AGPAT4: variants seen among roughly 807,000 people sequenced by gnomAD.
The protein encoded by AGPAT4 is 1-acyl-sn-glycerol-3-phosphate acyltransferase delta.
AGPAT4 carries 15 observed loss-of-function variants against 48.0 expected under a neutral mutation model. The observed-to-expected ratio is 0.31, with a 90% CI of 0.21 to 0.48. The LOEUF (loss-of-function observed/expected upper bound fraction) is 0.48. Among genes scored for constraint, AGPAT4 ranks in the 20% least tolerant of loss-of-function variants. AGPAT4 has a pLI of 0.99. For synonymous variants in AGPAT4, 178 were observed against 198.7 expected, an observed-to-expected ratio of 0.90 and a Z score of 0.88; for missense variants, 314 against 482.5, an observed-to-expected ratio of 0.65 and a Z score of 3.27.
At position 161,223,448 on chromosome 6, in the gene AGPAT4, C is replaced by T. The variant is rs1781883775; in HGVS notation, c.178+8588G>A. Among the ~76,000 whole-genome samples, 1 of 152,172 alleles carries T rather than the reference C, an allele frequency of 6.6e-6. No homozygotes were observed. The highest frequency in any genetic ancestry group is 1.5e-5 in the Non-Finnish European group (1 of 68,034). ...CTCAGCTCTCCTCCTCTCTGTTCGGCCTTAGGCAAGTCATCCAACCTCTCG... is the reference window on the plus strand; with the variant it reads ...CTCAGCTCTCCTCCTCTCTGTTCGGTCTTAGGCAAGTCATCCAACCTCTCG... On this transcript the variant is annotated intron_variant, in intron 2 of 8. Transcript: ENST00000320285. The surrounding 1 kb of genome is among the most constrained non-coding windows in gnomAD (Gnocchi z 6.3).
intron 2 of AGPAT4, among the ~76,000 whole-genome samples, chr6:161,224,396 C>A (rs1272595737): frequency 6.6e-6 from 1 of 152,064 alleles, no homozygotes; most frequent in Non-Finnish European, 1.5e-5. Flanking sequence ...GTAATCCCAG[C>A]ACTTTGGGAG....
chr6:161,149,087 G>T lies in AGPAT4; in HGVS notation c.767+100C>A. 1 of 1,429,496 alleles carries T rather than the reference G, an allele frequency of 7.0e-7. No individual in the cohort carries two copies. The highest frequency in any genetic ancestry group is 9.3e-7 in the Non-Finnish European group (1 of 1,072,222). The allele number at this position is 1,429,496 out of a possible 1,614,324, so 88.6% of individuals were successfully genotyped here. On this transcript the variant is annotated intron_variant, in intron 6 of 8. Transcript: ENST00000320285. This position sits in a 1 kb window ranked among gnomAD's most constrained non-coding sequence, Gnocchi z 6.5. ...CAAAACAGACTGCAAAGAAGTCAGT[G>T]TGACCCAGGGATCCCTGGAAGAAAG... is the stretch of plus-strand genomic sequence containing the variant.
chr6:161,248,734 G>A lies in AGPAT4; in HGVS notation c.-89-16432C>T, dbSNP rs886476345. On this transcript the variant is annotated intron_variant, in intron 1 of 8. Transcript: ENST00000320285. ...TAGGAAGAATCAATATCGTTAAAGTGTGCATACTGCCCAAAGTAATTTACA... is the reference window on the plus strand; with the variant it reads ...TAGGAAGAATCAATATCGTTAAAGTATGCATACTGCCCAAAGTAATTTACA... Among the ~76,000 whole-genome samples, 3 of 152,286 alleles carry A rather than the reference G, an allele frequency of 2.0e-5. No homozygotes were observed. In the East Asian group the frequency reaches 5.8e-4, roughly 29 times the overall value.
intron 5 of AGPAT4, among the ~76,000 whole-genome samples, chr6:161,152,172 T>C (rs1232944937): frequency 2.0e-5 from 3 of 152,122 alleles, no homozygotes; most frequent in Non-Finnish European, 4.4e-5. Flanking sequence ...TACATGGCAT[T>C]GTGCCAATAG....
intron 1 of AGPAT4, among the ~76,000 whole-genome samples, chr6:161,252,219 G>A (rs968183323): frequency 2.6e-5 from 4 of 152,128 alleles, no homozygotes; most frequent in African/African-American, 4.8e-5. Flanking sequence ...TCAGTGACTC[G>A]TTTCTTGCAG....
Position 161,142,886 on chromosome 6 carries a change from G to A in AGPAT4, c.844-3266C>T, listed in dbSNP as rs761119927. 1.3e-5 allele frequency among the ~76,000 whole-genome samples: 2 copies of A among 152,170 alleles called. No homozygotes were observed. Among genetic ancestry groups the A allele is most frequent in the Non-Finnish European group, 2.9e-5 (2 of 68,026 alleles). ...AGGCTCCCTGCTGCCCTTCTAAGGAGCAATGCCCTTATGGTTTAAGTGAAA... is the reference window on the plus strand; with the variant it reads ...AGGCTCCCTGCTGCCCTTCTAAGGAACAATGCCCTTATGGTTTAAGTGAAA... On this transcript the variant is annotated intron_variant, in intron 7 of 8. Coordinates refer to ENST00000320285, the MANE Select transcript of AGPAT4 (RefSeq NM_020133.3). The surrounding 1 kb of genome is among the most constrained non-coding windows in gnomAD (Gnocchi z 6.4).
chr6:161,253,288 G>A (rs4280943), intron 1 of AGPAT4, among the ~76,000 whole-genome samples: 24,972 of 147,398 alleles, frequency 0.17, 3,332 homozygotes, highest in African/African-American at 0.36. Flanking sequence ...GGAGTCTTGC[G>A]CTGTTGCCCA....
Position 161,202,931 on chromosome 6 carries a change from A to G in AGPAT4, c.178+29105T>C, listed in dbSNP as rs1781274033. Among the ~76,000 whole-genome samples the G allele has an allele frequency of 6.6e-6, 1 of 152,162 alleles. No homozygotes were observed. The highest frequency in any genetic ancestry group is 2.1e-4 in the South Asian group (1 of 4,830). On this transcript the variant is annotated intron_variant, in intron 2 of 8. Coordinates refer to ENST00000320285, the MANE Select transcript of AGPAT4 (RefSeq NM_020133.3). This position sits in a 1 kb window ranked among gnomAD's most constrained non-coding sequence, Gnocchi z 5.4. ...GACAGCCCCAGTTGAGGTCCCAGCC[A>G]ACAGCCAACATCAACCTCCAGGCTT...
intron 2 of AGPAT4, among the ~76,000 whole-genome samples, chr6:161,170,969 C>A (rs1780252997): frequency 6.6e-6 from 1 of 152,230 alleles, no homozygotes. Flanking sequence ...TACGCTCACT[C>A]CATGGAAAGG....
At position 161,139,037 on chromosome 6, in the gene AGPAT4, T is replaced by C. The variant is rs1424792134; in HGVS notation, c.1042+385A>G. 6.6e-6 allele frequency among the ~76,000 whole-genome samples: 1 copy of C among 152,180 alleles called. No homozygotes were observed. Among genetic ancestry groups the C allele is most frequent in the Non-Finnish European group, 1.5e-5 (1 of 68,022 alleles). On this transcript the variant is annotated intron_variant, in intron 8 of 8. Transcript: ENST00000320285. The surrounding 1 kb of genome is among the most constrained non-coding windows in gnomAD (Gnocchi z 9.1). The stretch of plus-strand genomic sequence containing the variant: ...CCAGAGGAAGGCAGGGAGCTGCCCA[T>C]CCGTCCCCGCCAGGCTCCAGCACAG...
chr6:161,272,654 C>G lies in AGPAT4; in HGVS notation c.-90+1284G>C, dbSNP rs1003429555. On this transcript the variant is annotated intron_variant, in intron 1 of 8. Coordinates refer to ENST00000320285, the MANE Select transcript of AGPAT4 (RefSeq NM_020133.3). The surrounding 1 kb of genome is among the most constrained non-coding windows in gnomAD (Gnocchi z 4.2). Reference sequence around the variant, plus strand: ...TATTCAGAAGATGGAATCCTTTTAACGTAGAACTCAAGATGTGCCCTGTTC... The same window carrying G: ...TATTCAGAAGATGGAATCCTTTTAAGGTAGAACTCAAGATGTGCCCTGTTC... Among the ~76,000 whole-genome samples the G allele has an allele frequency of 6.6e-6, 1 of 151,822 alleles. No individual in the cohort carries two copies. Among genetic ancestry groups the G allele is most frequent in the Admixed American group, 6.6e-5 (1 of 15,228 alleles).
At position 161,272,408 on chromosome 6, in the gene AGPAT4, TA is replaced by T. The variant is rs113769890; in HGVS notation, c.-90+1529del. 2.8e-4 allele frequency among the ~76,000 whole-genome samples: 42 copies of T among 152,292 alleles called. No homozygotes were observed. The highest frequency in any genetic ancestry group is 9.9e-4 in the African/African-American group (41 of 41,570). Reference sequence around the variant, plus strand: ...ACTTATCTATTTTATAAAAGCTAATTATTTGGGATGCCCATCAGAAGAATGG... The same window carrying T: ...ACTTATCTATTTTATAAAAGCTAATTTTTGGGATGCCCATCAGAAGAATGG... On this transcript the variant is annotated intron_variant, in intron 1 of 8. Coordinates refer to ENST00000320285, the MANE Select transcript of AGPAT4 (RefSeq NM_020133.3). The surrounding 1 kb of genome is among the most constrained non-coding windows in gnomAD (Gnocchi z 4.2).
At chr6:161,227,705 T>C (rs1015494959) in intron 2 of AGPAT4, among the ~76,000 whole-genome samples, 9 of 152,178 alleles carry the variant, frequency 5.9e-5, no homozygotes, top group African/African-American at 1.9e-4. Context: ...CTGAAGTGAC[T>C]TACACATCCT....
rs1411018422 is a variant in AGPAT4 at position 161,138,744 on chromosome 6, G to C, written c.1042+678C>G. On this transcript the variant is annotated intron_variant, in intron 8 of 8. Transcript: ENST00000320285. This position sits in a 1 kb window ranked among gnomAD's most constrained non-coding sequence, Gnocchi z 4.8. ...CAAAGCCTCAGAGGACGCCAGGCTTGGGGAGACAGGGCCTTTCACAGGGAA... is the reference window on the plus strand; with the variant it reads ...CAAAGCCTCAGAGGACGCCAGGCTTCGGGAGACAGGGCCTTTCACAGGGAA... Among the ~76,000 whole-genome samples, 1 of 152,104 alleles carries C rather than the reference G, an allele frequency of 6.6e-6. No individual in the cohort carries two copies. Among genetic ancestry groups the C allele is most frequent in the East Asian group, 1.9e-4 (1 of 5,180 alleles).
rs1294216498 is a variant in AGPAT4 at position 161,136,208 on chromosome 6, T to G, written c.*332A>C. 1 of 276,792 alleles carries G rather than the reference T, an allele frequency of 3.6e-6. No individual in the cohort carries two copies. Among genetic ancestry groups the G allele is most frequent in the East Asian group, 8.4e-5 (1 of 11,884 alleles). 17.1% of individuals were successfully genotyped at this position (276,792 alleles called of 1,614,324 possible). On this transcript the variant is annotated 3_prime_UTR_variant, in exon 9 of 9. Coordinates refer to ENST00000320285, the MANE Select transcript of AGPAT4 (RefSeq NM_020133.3). Reference sequence around the variant, plus strand: ...CACCAAAGGATGAAAGGGGAACTTGTCCCCTTCGGTCCCCAGCCCTGCCCT... The same window carrying G: ...CACCAAAGGATGAAAGGGGAACTTGGCCCCTTCGGTCCCCAGCCCTGCCCT...
intron 2 of AGPAT4, among the ~76,000 whole-genome samples, chr6:161,193,762 G>A (rs772608783): frequency 9.9e-5 from 15 of 152,194 alleles, no homozygotes; most frequent in Admixed American, 2.0e-4. Flanking sequence ...TATATCCTCA[G>A]CAACGCTGTG....
Position 161,225,946 on chromosome 6 carries a change from C to T in AGPAT4, c.178+6090G>A, listed in dbSNP as rs111769801. The stretch of plus-strand genomic sequence containing the variant: ...CGGGTCTTTTAAATTCCTTTCCATC[C>T]GACTTGACTCGCCAAAGCCACTGTT... On this transcript the variant is annotated intron_variant, in intron 2 of 8. Transcript: ENST00000320285. The surrounding 1 kb of genome is among the most constrained non-coding windows in gnomAD (Gnocchi z 5.0). 2.9e-4 allele frequency among the ~76,000 whole-genome samples: 44 copies of T among 152,026 alleles called. No homozygotes were observed. Among genetic ancestry groups the T allele is most frequent in the African/African-American group, 5.3e-4 (22 of 41,330 alleles).
intron 1 of AGPAT4, among the ~76,000 whole-genome samples, chr6:161,239,472 T>G (rs1457850394): frequency 1.3e-5 from 2 of 152,216 alleles, no homozygotes; most frequent in African/African-American, 4.8e-5. Context: ...ACTAGCTGGA[T>G]TTAAAAGGTA....
At chr6:161,186,865 TAAAGGATG>T (rs1255431092) in intron 2 of AGPAT4, among the ~76,000 whole-genome samples, 1 of 152,176 alleles carries the variant, frequency 6.6e-6, no homozygotes, top group Non-Finnish European at 1.5e-5. Flanking sequence ...CATTCCTTTC[TAAAGGATG>T]TCCAGCCTTT....
Sources: allele counts gnomAD v4.1 joint callset (sites outside exome capture counted in the v4.1 genomes callset), GRCh38; gene constraint gnomAD v4.1.1; non-coding constraint Gnocchi (gnomAD v3.1); transcripts MANE v1.5; gene names NCBI Gene and HGNC (gene_info 2026-07-23, HGNC 2026-07-21).